Variants in TTC6 observed in about 807,000 individuals in gnomAD.
The protein encoded by TTC6 is tetratricopeptide repeat domain 6, also known as tetratricopeptide repeat protein 6.
Under a neutral mutation model 210.4 loss-of-function variants are expected in TTC6, and 172 were observed. The observed-to-expected ratio is 0.82, with a 90% CI of 0.72 to 0.93. The LOEUF is 0.93. TTC6 is among the 40% of genes least tolerant of loss of function. The pLI, the probability that TTC6 is intolerant of heterozygous loss-of-function variation, is 0.00. For synonymous variants in TTC6, 804 were observed against 819.6 expected, an observed-to-expected ratio of 0.98 and a Z score of 0.32; for missense variants, 2,414 against 2,318.1, an observed-to-expected ratio of 1.04 and a Z score of -0.85.
At chr14:37,672,656 G>A (rs192222418) in intron 1 of TTC6, among the ~76,000 whole-genome samples, 4 of 152,196 alleles carry the variant, frequency 2.6e-5, no homozygotes, top group South Asian at 2.1e-4. Flanking sequence ...CTTCTGAAAC[G>A]AAAAGTCTGG....
At chr14:37,760,831 A>G (rs538077197) in intron 14 of TTC6, among the ~76,000 whole-genome samples, 1 of 152,198 alleles carries the variant, frequency 6.6e-6, no homozygotes, top group African/African-American at 2.4e-5. Flanking sequence ...AAAACCACCT[A>G]CTCAAGCCTC....
chr14:37,810,273 C>A (rs2096127001), intron 24 of TTC6, among the ~76,000 whole-genome samples: 1 of 152,216 alleles, frequency 6.6e-6, no homozygotes, highest in Non-Finnish European at 1.5e-5. Context: ...CAACCCCATT[C>A]CTGCCGGAAA....
exon 15 of TTC6, chr14:37,787,571 T>C (rs2096070740): frequency 6.5e-7 from 1 of 1,528,334 alleles, no homozygotes; most frequent in Non-Finnish European, 8.8e-7. Context: ...GTTAGCGTTG[T>C]ATTATCGAGG....
At chr14:37,622,714 C>G in exon 1 of TTC6, 5 of 1,535,040 alleles carry the variant, frequency 3.3e-6, no homozygotes, top group Non-Finnish European at 4.4e-6. Flanking sequence ...TACATGGAGG[C>G]CAGCAGCGGG....
At chr14:37,837,627 ATTG>A (rs1424649356) in intron 29 of TTC6, 1 of 244,628 alleles carries the variant, frequency 4.1e-6, no homozygotes, top group Non-Finnish European at 8.4e-6. Context: ...TTTTCTGCAT[ATTG>A]TTCTCAGTAT....
In TTC6 at chr14:37,623,022, G is replaced by A. The variant is rs771697278; in HGVS notation, c.939+19G>A. ...AATGGAAGTAGGTGAACCAAAACAA[G>A]AGTAACATTTTTCCCAAATGCAATT... On this transcript the variant is annotated intron_variant, in intron 1 of 30. Transcript: ENST00000553443. 69 of 1,439,256 alleles carry A rather than the reference G, an allele frequency of 4.8e-5. No individual in the cohort carries two copies. Among genetic ancestry groups the A allele is most frequent in the Non-Finnish European group, 9.1e-6 (10 of 1,097,714 alleles). The allele number at this position is 1,439,256 out of a possible 1,614,324, so 89.2% of individuals were successfully genotyped here.
At chr14:37,714,341 G>T (rs527907138) in intron 5 of TTC6, among the ~76,000 whole-genome samples, 36 of 151,638 alleles carry the variant, frequency 2.4e-4, no homozygotes, top group Non-Finnish European at 5.2e-4. Context: ...GGGAGTAGGT[G>T]AGAGATCAGA....
At chr14:37,602,170 A>C (rs2095616858) in intron 1 of TTC6, among the ~76,000 whole-genome samples, 1 of 152,358 alleles carries the variant, frequency 6.6e-6, no homozygotes, top group Admixed American at 6.5e-5. Flanking sequence ...GTGTCACAGA[A>C]GTGATCTTCC....
intron 1 of TTC6, among the ~76,000 whole-genome samples, chr14:37,629,131 A>C (rs1288381667): frequency 6.6e-6 from 1 of 152,152 alleles, no homozygotes; most frequent in Non-Finnish European, 1.5e-5. Context: ...AGTTTTTTCT[A>C]GTTCTTTGAA....
chr14:37,691,362 A>G (rs533595055), intron 3 of TTC6, among the ~76,000 whole-genome samples: 1 of 152,184 alleles, frequency 6.6e-6, no homozygotes, highest in Non-Finnish European at 1.5e-5. Context: ...AAAAAACACA[A>G]TAGAATAAAA....
At chr14:37,799,052 A>T (rs556266854) in intron 20 of TTC6, among the ~76,000 whole-genome samples, 7 of 152,234 alleles carry the variant, frequency 4.6e-5, no homozygotes, top group African/African-American at 1.7e-4. Flanking sequence ...TATTGATCTC[A>T]TAGGATTATT....
chr14:37,796,833 T>G (rs1438198011), exon 20 of TTC6: 3 of 1,609,718 alleles, frequency 1.9e-6, no homozygotes, highest in Non-Finnish European at 2.5e-6. Flanking sequence ...TTTATTCATT[T>G]TGTGAAAACC....
At chr14:37,702,977 T>C (rs2095828366) in intron 5 of TTC6, among the ~76,000 whole-genome samples, 1 of 152,152 alleles carries the variant, frequency 6.6e-6, no homozygotes, top group Admixed American at 6.6e-5. Flanking sequence ...TTTATCAAAT[T>C]AAATTTTTGA....
At chr14:37,633,243 C>T (rs539256654) in intron 1 of TTC6, among the ~76,000 whole-genome samples, 24 of 152,310 alleles carry the variant, frequency 1.6e-4, no homozygotes, top group Middle Eastern at 3.4e-3. Flanking sequence ...AAACCCAGGG[C>T]CCTGGTGGTG....
At chr14:37,834,990 G>T (rs1162260638) in intron 29 of TTC6, among the ~76,000 whole-genome samples, 2 of 152,126 alleles carry the variant, frequency 1.3e-5, no homozygotes, top group Non-Finnish European at 2.9e-5. Context: ...CTTAGGCTGT[G>T]GTTATTTGTG....
At chr14:37,701,252 T>G in intron 4 of TTC6, 80 bp from the exon 7 acceptor site, 1 of 1,014,292 alleles carries the variant, frequency 9.9e-7, no homozygotes, top group Non-Finnish European at 1.3e-6. Flanking sequence ...GAACCTGAAC[T>G]AAATTGTCAG....
At chr14:37,712,807 A>T (rs2095846682) in intron 5 of TTC6, among the ~76,000 whole-genome samples, 2 of 152,162 alleles carry the variant, frequency 1.3e-5, no homozygotes, top group Admixed American at 1.3e-4. Flanking sequence ...GCATTATGGG[A>T]ACTACAATTC....
chr14:37,816,954 G>A (rs975229398), intron 25 of TTC6, among the ~76,000 whole-genome samples: 11 of 152,006 alleles, frequency 7.2e-5, no homozygotes, highest in Non-Finnish European at 1.5e-4. Flanking sequence ...CTCTTCCTAG[G>A]GGCCACTGGG....
chr14:37,687,615 C>T (rs541554867), intron 3 of TTC6, among the ~76,000 whole-genome samples: 80 of 152,184 alleles, frequency 5.3e-4, no homozygotes, highest in African/African-American at 1.7e-3. Flanking sequence ...GTGGGGAAGA[C>T]TTTGTTTTGC....
Sources: gnomAD v4.1 joint callset for allele counts (sites outside exome capture counted in the v4.1 genomes callset) on GRCh38, gnomAD v4.1.1 for gene constraint, MANE v1.5 for transcripts, NCBI Gene and HGNC (gene_info 2026-07-23, HGNC 2026-07-21) for gene names.